NOTCH4: variants seen among roughly 807,000 people sequenced by gnomAD.
The protein encoded by NOTCH4 is notch receptor 4, also known as neurogenic locus notch homolog protein 4.
NOTCH4 carries 138 observed loss-of-function variants against 189.0 expected under a neutral mutation model. The observed-to-expected ratio is 0.73, with a 90% confidence interval of 0.64 to 0.84. NOTCH4 has a LOEUF of 0.84. Ranked by LOEUF, NOTCH4 falls within the 40% of genes least tolerant of loss-of-function variation. The pLI, the probability that NOTCH4 is intolerant of heterozygous loss-of-function variation, is 0.00. For missense variants in NOTCH4, 2,286 were observed against 2,605.4 expected (o/e 0.88, Z 2.67); for synonymous variants, 942 against 1,032.8 (o/e 0.91, Z 1.69).
chr6:32,203,726 T>A (rs772201334), intron 20 of NOTCH4, 44 bp downstream of exon 20: 1 of 1,433,194 alleles, frequency 7.0e-7, no homozygotes, highest in Non-Finnish European at 9.5e-7. Flanking sequence ...TCTTGCCTTG[T>A]CAGCATAGGG....
Position 32,198,794 on chromosome 6 carries a change from C to T in NOTCH4, c.4536-64G>A. The stretch of plus-strand genomic sequence containing the variant: ...TGACCATCAGGGTCTCCAAAATTTC[C>T]AGCAGGCTTCCCACCCCTCTCTCCT... On this transcript the variant is annotated intron_variant, in intron 24 of 29. Transcript: ENST00000375023. The surrounding 1 kb of genome is among the most constrained non-coding windows in gnomAD (Gnocchi z 5.5). 1 of 1,522,926 alleles carries T rather than the reference C, an allele frequency of 6.6e-7. No individual in the cohort carries two copies. The highest frequency in any genetic ancestry group is 8.9e-7 in the Non-Finnish European group (1 of 1,128,190). The allele number at this position is 1,522,926 out of a possible 1,614,324, so 94.3% of individuals were successfully genotyped here.
chr6:32,196,585 C>G (rs910783411), intron 28 of NOTCH4, among the ~76,000 whole-genome samples, 164 bp from the exon 29 acceptor site: 1 of 152,192 alleles, frequency 6.6e-6, no homozygotes, highest in African/African-American at 2.4e-5. Flanking sequence ...AAGTGTTGCC[C>G]TGGTGACGTC....
chr6:32,223,454 G>C (rs1485579881), intron 1 of NOTCH4, among the ~76,000 whole-genome samples: 1 of 152,046 alleles, frequency 6.6e-6, no homozygotes, highest in Non-Finnish European at 1.5e-5. Flanking sequence ...CCATCCGGGG[G>C]GTGGGGACAG....
In NOTCH4 at chr6:32,204,081, A is replaced by G. The variant is rs146610574; in HGVS notation, c.3118+56T>C. 14,433 of 1,597,268 alleles carry G rather than the reference A, an allele frequency of 9.0e-3. 775 individuals carry two copies. The South Asian group carries it at 0.1, about 12-fold the overall frequency. ...ATGGGTGGAGACTATCTGGCTCTCC[A>G]TGGTCTGCTTGGCTGTGCTCCAGAC... is the stretch of plus-strand genomic sequence containing the variant. On this transcript the variant is annotated intron_variant, in intron 19 of 29. Transcript: ENST00000375023.
Position 32,210,805 on chromosome 6 carries a change from GC to G in NOTCH4, c.2811del (p.Arg937SerfsTer111). 6.2e-7 allele frequency: 1 copy of G among 1,613,050 alleles called. No individual in the cohort carries two copies. On this transcript the variant is annotated frameshift_variant, in exon 18 of 30. Transcript: ENST00000375023. LOFTEE classifies it high-confidence loss of function. The surrounding 1 kb of genome is among the most constrained non-coding windows in gnomAD (Gnocchi z 4.8). ...ATGCAGGTGGCCCCGTTCTGGCAAGGCCTGGACTCACATGGGTTCACGTGAT... is the reference window on the plus strand; with the variant it reads ...ATGCAGGTGGCCCCGTTCTGGCAAGGCTGGACTCACATGGGTTCACGTGAT... ...CQDHVNPCES[R>X]PCQNGATCMA...
In NOTCH4 at chr6:32,202,158, G is replaced by C. The variant is rs142477287; in HGVS notation, c.3673C>G (p.Arg1225Gly). 6.6e-7 allele frequency: 1 copy of C among 1,519,974 alleles called. No homozygotes were observed. The highest frequency in any genetic ancestry group is 8.8e-7 in the Non-Finnish European group (1 of 1,134,320). The allele number at this position is 1,519,974 out of a possible 1,614,324, so 94.2% of individuals were successfully genotyped here. The change falls in exon 21 of 30, where the codon CGG (arginine) becomes GGG (glycine). Residue 1225 changes from arginine (R) to glycine (G), a missense_variant. Arg to Gly is a moderately radical substitution (Grantham distance 125, BLOSUM62 -2). Coordinates refer to ENST00000375023, the MANE Select transcript of NOTCH4 (RefSeq NM_004557.4). The surrounding 1 kb of genome is among the most constrained non-coding windows in gnomAD (Gnocchi z 5.7). ...PSHSRCWLLF[R>G]DGQCHPQCDS... ...CACTGTGGGTGGCACTGCCCGTCCC[G>C]GAAGAGAAGCCAGCACCGAGAGTGG... is the stretch of plus-strand genomic sequence containing the variant.
At chr6:32,214,382 CT>C in intron 12 of NOTCH4, 127 bp from the exon 13 acceptor site, 1 of 1,034,930 alleles carries the variant, frequency 9.7e-7, no homozygotes, top group Non-Finnish European at 1.4e-6. Flanking sequence ...TCTTCAGTGA[CT>C]TTGCTCTCAG....
chr6:32,203,787 TGAAACC>T lies in NOTCH4; in HGVS notation c.3208_3213del (p.Gly1070_Phe1071del). Reference sequence around the variant, plus strand: ...TCACTTGCCTTGGGGCAGTGGCAGATGAAACCCAGGGGTGATCCTGCTGTGGCCTCA... The same window carrying T: ...TCACTTGCCTTGGGGCAGTGGCAGATCAGGGGTGATCCTGCTGTGGCCTCA... On this transcript the variant is annotated inframe_deletion, in exon 20 of 30. Coordinates refer to ENST00000375023, the MANE Select transcript of NOTCH4 (RefSeq NM_004557.4). 1 of 1,556,628 alleles carries T rather than the reference TGAAACC, an allele frequency of 6.4e-7. No individual in the cohort carries two copies. Among genetic ancestry groups the T allele is most frequent in the South Asian group, 1.2e-5 (1 of 84,446 alleles).
Position 32,196,306 on chromosome 6 carries a change from C to T in NOTCH4, c.5298+18G>A, listed in dbSNP as rs1333420716. ...GTGCGCCTGACTGTTTTGTGGGAAG[C>T]CCTCTGTCCCATCTAACCCTGTTGT... On this transcript the variant is annotated intron_variant, in intron 29 of 29. Transcript: ENST00000375023. The T allele has an allele frequency of 1.2e-6, 2 of 1,613,136 alleles. No homozygotes were observed. Among genetic ancestry groups the T allele is most frequent in the Admixed American group, 1.7e-5 (1 of 60,032 alleles).
chr6:32,198,824 C>G lies in NOTCH4; in HGVS notation c.4536-94G>C. 6.8e-7 allele frequency: 1 copy of G among 1,472,948 alleles called. No individual in the cohort carries two copies. The highest frequency in any genetic ancestry group is 9.2e-7 in the Non-Finnish European group (1 of 1,088,348). The allele number at this position is 1,472,948 out of a possible 1,614,324, so 91.2% of individuals were successfully genotyped here. A position where few individuals can be genotyped will look rare whatever the true frequency, so the allele number is the denominator to read the frequency against. ...GGCTTCCCACCCCTCTCTCCTTCCCCTATCTTTGACTTCTGCAATAGTATT... is the reference window on the plus strand; with the variant it reads ...GGCTTCCCACCCCTCTCTCCTTCCCGTATCTTTGACTTCTGCAATAGTATT... On this transcript the variant is annotated intron_variant, in intron 24 of 29. Transcript: ENST00000375023. This position sits in a 1 kb window ranked among gnomAD's most constrained non-coding sequence, Gnocchi z 5.5.
At chr6:32,211,263 C>CAAAT (rs928076593) in intron 17 of NOTCH4, among the ~76,000 whole-genome samples, 2 of 125,252 alleles carry the variant, frequency 1.6e-5, no homozygotes, top group Non-Finnish European at 3.4e-5. Flanking sequence ...CCATCTCAAA[C>CAAAT]AAACAAACAA....
chr6:32,210,639 A>G lies in NOTCH4; in HGVS notation c.2865+113T>C. 9.3e-7 allele frequency: 1 copy of G among 1,079,616 alleles called. No homozygotes were observed. Among genetic ancestry groups the G allele is most frequent in the Admixed American group, 2.1e-5 (1 of 48,548 alleles). The allele number at this position is 1,079,616 out of a possible 1,614,324, so 66.9% of individuals were successfully genotyped here. A position where few individuals can be genotyped will look rare whatever the true frequency, so the allele number is the denominator to read the frequency against. The stretch of plus-strand genomic sequence containing the variant: ...GTGGTTAGTTGGGTGTGTGGGGTTA[A>G]AAAAAATAAAAGGAGGTGAAATGGA... On this transcript the variant is annotated intron_variant, in intron 18 of 29. Coordinates refer to ENST00000375023, the MANE Select transcript of NOTCH4 (RefSeq NM_004557.4). The surrounding 1 kb of genome is among the most constrained non-coding windows in gnomAD (Gnocchi z 4.8).
At position 32,221,182 on chromosome 6, in the gene NOTCH4, A is replaced by G; in HGVS notation, c.595T>C (p.Phe199Leu). 6.2e-7 allele frequency: 1 copy of G among 1,613,100 alleles called. No individual in the cohort carries two copies. The highest frequency in any genetic ancestry group is 8.5e-7 in the Non-Finnish European group (1 of 1,180,024). The change falls in exon 4 of 30, where the codon TTC (phenylalanine) becomes CTC (leucine). Residue 199 changes from phenylalanine to leucine, a missense_variant. Transcript: ENST00000375023. This position sits in a 1 kb window ranked among gnomAD's most constrained non-coding sequence, Gnocchi z 4.3. ...TTGGGGCAGGGTCCTGGGTCCTGGA[A>G]GCACTCGTTGACATCACGTTCACAG... ...HACERDVNEC[F>L]QDPGPCPKGT...
In NOTCH4 at chr6:32,198,650, T is replaced by C. The variant is rs1241281328; in HGVS notation, c.4616A>G (p.Gln1539Arg). 1 of 1,611,984 alleles carries C rather than the reference T, an allele frequency of 6.2e-7. No homozygotes were observed. The highest frequency in any genetic ancestry group is 8.5e-7 in the Non-Finnish European group (1 of 1,179,492). ...SGPEEGEEVG[Q>R]AEETGPPSTC... The stretch of plus-strand genomic sequence containing the variant: ...CCATTCTTGCCCCAGCCCTTTCACC[T>C]GGCCCACCTCCTCTCCCTCCTCAGG... The change falls in exon 25 of 30, where the codon CAG (glutamine) becomes CGG (arginine). Residue 1539 changes from glutamine to arginine, a missense_variant and splice_region_variant. Around this residue, in one of 2 missense-constraint regions of NOTCH4, gnomAD observed 1,903 missense variants for 2,261.9 expected, o/e 0.84. Transcript: ENST00000375023. The surrounding 1 kb of genome is among the most constrained non-coding windows in gnomAD (Gnocchi z 5.5).
chr6:32,217,031 T>A lies in NOTCH4; in HGVS notation c.1775A>T (p.Glu592Val). The change falls in exon 11 of 30, where the codon GAG becomes GTG. Residue 592 changes from glutamate to valine, a missense_variant. Glu to Val is a moderately radical substitution (Grantham distance 121). This residue lies in a region of NOTCH4 where 1,903 missense variants were observed against 2,261.9 expected (regional missense o/e 0.84). Coordinates refer to ENST00000375023, the MANE Select transcript of NOTCH4 (RefSeq NM_004557.4). This position sits in a 1 kb window ranked among gnomAD's most constrained non-coding sequence, Gnocchi z 4.2. ...EGPRCQTEVD[E>V]CLSDPCPVGA... The stretch of plus-strand genomic sequence containing the variant: ...AACGGGACATGGGTCACTCAGGCAC[T>A]CATCCACCTCTGTTTGACAGCGTGG... 6.2e-7 allele frequency: 1 copy of A among 1,613,086 alleles called. No homozygotes were observed. Among genetic ancestry groups the A allele is most frequent in the Non-Finnish European group, 8.5e-7 (1 of 1,180,022 alleles).
chr6:32,204,348 G>A lies in NOTCH4; in HGVS notation c.2907C>T (p.Leu969=), dbSNP rs575298302. 15 of 1,613,048 alleles carry A rather than the reference G, an allele frequency of 9.3e-6. No individual in the cohort carries two copies. The highest frequency in any genetic ancestry group is 3.3e-4 in the Middle Eastern group (2 of 6,062). The change falls in exon 19 of 30, where the codon CTC becomes CTT. Residue 969 remains leucine (L), a synonymous_variant. Coordinates refer to ENST00000375023, the MANE Select transcript of NOTCH4 (RefSeq NM_004557.4). ...GACAGGGTTGGGACTGACAAGCATC[G>A]AGTTCCTTTGAGCAGTTCTGTCCAT... The part of the protein sequence containing the change: ...GYDGQNCSKE[L]DACQSQPCHN...
At position 32,200,918 on chromosome 6, in the gene NOTCH4, G is replaced by T. The variant is rs143103753; in HGVS notation, c.4228C>A (p.Arg1410Ser). 10 of 1,608,928 alleles carry T rather than the reference G, an allele frequency of 6.2e-6. No individual in the cohort carries two copies. The highest frequency in any genetic ancestry group is 8.5e-6 in the Non-Finnish European group (10 of 1,178,122). Residue 1410 changes from arginine (R) to serine (S), a missense_variant, in exon 23 of 30, where the codon CGC becomes AGC. By Grantham distance (110) the Arg-to-Ser change is moderately radical. Transcript: ENST00000375023. The surrounding 1 kb of genome is among the most constrained non-coding windows in gnomAD (Gnocchi z 5.0). The stretch of plus-strand genomic sequence containing the variant: ...ACTGCAGCCATCGCAGCAAGGAAGC[G>T]GAGTAGAAGCCCAGGGTCCCAGGGA... ...RCPWDPGLLL[R>S]FLAAMAAVGA...
In NOTCH4 at chr6:32,213,729, G is replaced by C. The variant is rs749719226; in HGVS notation, c.2279C>G (p.Thr760Arg). 25 of 1,612,770 alleles carry C rather than the reference G, an allele frequency of 1.6e-5. No homozygotes were observed. Among genetic ancestry groups the C allele is most frequent in the Non-Finnish European group, 2.0e-5 (24 of 1,180,016 alleles). The change falls in exon 14 of 30, where the codon ACA becomes AGA. Residue 760 changes from threonine to arginine, a missense_variant. By Grantham distance (71) the Thr-to-Arg change is moderately conservative. This residue lies in a region of NOTCH4 where 1,903 missense variants were observed against 2,261.9 expected (regional missense o/e 0.84). Coordinates refer to ENST00000375023, the MANE Select transcript of NOTCH4 (RefSeq NM_004557.4). ...GYYCTCPPSHTGPQCQTSTDY... is the reference protein window; with the variant it reads ...GYYCTCPPSHRGPQCQTSTDY... ...AGTGCTGGTTTGGCACTGGGGCCCT[G>C]TGTGGCTTGGAGGGCAGGTGCAGTA...
At chr6:32,197,617 G>C in intron 26 of NOTCH4, 23 bp from the exon 27 acceptor site, 1 of 1,588,988 alleles carries the variant, frequency 6.3e-7, no homozygotes, top group African/African-American at 1.4e-5. Flanking sequence ...CAGAGTAATG[G>C]GTCAATCTAA....
Sources: gnomAD v4.1 joint callset for allele counts (sites outside exome capture counted in the v4.1 genomes callset) on GRCh38, gnomAD v4.1.1 for gene constraint, gnomAD v4.1.1 regional missense constraint, Gnocchi (gnomAD v3.1) non-coding constraint, MANE v1.5 for transcripts, NCBI Gene and HGNC (gene_info 2026-07-23, HGNC 2026-07-21) for gene names.